The following HAVCR1 variants were observed in gnomAD, a reference collection of about 807,000 sequenced individuals.
The protein encoded by HAVCR1 is T cell immunoglobin domain and mucin domain protein 1.
In HAVCR1, 34 loss-of-function variants were observed where a neutral mutation model predicts 32.0. That is an observed-to-expected ratio of 1.06 (90% CI 0.81 to 1.42). HAVCR1 has a LOEUF of 1.42. HAVCR1 is among the 40% of genes most tolerant of loss of function. The probability of loss-of-function intolerance (pLI) is 0.00; values close to 1 mark genes in which losing one functional copy is unlikely to be tolerated. For synonymous variants in HAVCR1, 178 were observed against 170.3 expected (o/e 1.05, Z -0.35); for missense variants, 420 against 442.3 (o/e 0.95, Z 0.45).
At position 157,057,380 on chromosome 5, in the gene HAVCR1, GAGAGAGGAAAGAAA is replaced by G. The variant is rs1276353968; in HGVS notation, c.46+504_46+517del. 1.2e-3 allele frequency among the ~76,000 whole-genome samples: 165 copies of G among 139,278 alleles called. 1 individual carries two copies. The Admixed American group carries it at 0.012, about 10-fold the overall frequency. 91.4% of individuals were successfully genotyped at this position (139,278 alleles called of 152,430 possible). A position where few individuals can be genotyped will look rare whatever the true frequency, so the allele number is the denominator to read the frequency against. On this transcript the variant is annotated intron_variant, in intron 2 of 8. Transcript: ENST00000523175. ...CCTCATGAAGAGAGAGAGAGAGAGA[GAGAGAGGAAAGAAA>G]GAAAGAAAGAAAGAAAGAAAGAAAG...
At chr5:157,058,161 G>A (rs959473892) in intron 1 of HAVCR1, 45 of 525,834 alleles carry the variant, frequency 8.6e-5, no homozygotes, top group Middle Eastern at 5.2e-4. Flanking sequence ...CCTTCCAAAG[G>A]ACAGGGAAAG....
At chr5:157,048,932 T>C in intron 5 of HAVCR1, 106 bp downstream of exon 5, 1 of 707,852 alleles carries the variant, frequency 1.4e-6, no homozygotes, top group Non-Finnish European at 2.6e-6. Context: ...GTGTGCCTGG[T>C]GTTGGCACTC....
At chr5:157,032,798 T>G in intron 8 of HAVCR1, 56 bp downstream of exon 8, 3 of 1,045,384 alleles carry the variant, frequency 2.9e-6, no homozygotes, top group Non-Finnish European at 4.5e-6. Flanking sequence ...AAATCTATTT[T>G]TATTTTACCA....
chr5:157,037,227 A>G lies in HAVCR1; in HGVS notation c.952+20T>C, dbSNP rs753176589. 8.0e-7 allele frequency: 1 copy of G among 1,245,194 alleles called. No homozygotes were observed. 77.1% of individuals were successfully genotyped at this position (1,245,194 alleles called of 1,614,324 possible). A position where few individuals can be genotyped will look rare whatever the true frequency, so the allele number is the denominator to read the frequency against. On this transcript the variant is annotated intron_variant, in intron 7 of 8. Coordinates refer to ENST00000523175, the MANE Select transcript of HAVCR1 (RefSeq NM_001173393.3). The stretch of plus-strand genomic sequence containing the variant: ...GCTGTACATCCCTTGTCCCTTAGGA[A>G]CAATCTCGAAATGACTTACTTTTGG...
chr5:157,049,873 C>T (rs72805160), intron 4 of HAVCR1, among the ~76,000 whole-genome samples: 3,020 of 152,332 alleles, frequency 0.02, 48 homozygotes, highest in Non-Finnish European at 0.034. Context: ...CACGGTAAAG[C>T]TTCCATTAGG....
intron 2 of HAVCR1, among the ~76,000 whole-genome samples, chr5:157,056,601 C>T (rs564305152): frequency 4.0e-5 from 6 of 151,276 alleles, no homozygotes; most frequent in South Asian, 2.1e-4. Flanking sequence ...AGGATGGTCT[C>T]GATTTCCTGA....
intron 4 of HAVCR1, among the ~76,000 whole-genome samples, chr5:157,049,650 C>A (rs1379413489): frequency 6.6e-6 from 1 of 152,190 alleles, no homozygotes. Context: ...TTCAATTATC[C>A]ACACATCTAA....
chr5:157,036,666 T>C (rs1482657441), intron 7 of HAVCR1, among the ~76,000 whole-genome samples: 1 of 152,208 alleles, frequency 6.6e-6, no homozygotes, highest in Non-Finnish European at 1.5e-5. Context: ...GCACTTGTCA[T>C]GTGCCAGGAA....
intron 3 of HAVCR1, 66 bp downstream of exon 3, chr5:157,055,135 A>G (rs1756033367): frequency 1.1e-6 from 1 of 881,700 alleles, no homozygotes; most frequent in South Asian, 1.8e-5. Context: ...CCTATTAAGA[A>G]AAAAGAAAAT....
intron 5 of HAVCR1, among the ~76,000 whole-genome samples, chr5:157,043,514 A>G (rs1203753366): frequency 6.6e-6 from 1 of 152,130 alleles, no homozygotes; most frequent in African/African-American, 2.4e-5. Context: ...CAAAAAATAC[A>G]AAAAATTAGC....
At chr5:157,029,875 A>G (rs1413709192) in intron 8 of HAVCR1, 34 bp from the exon 9 acceptor site, 1 of 1,590,670 alleles carries the variant, frequency 6.3e-7, no homozygotes, top group Non-Finnish European at 8.6e-7. Context: ...TAACATGAGT[A>G]AGAAAAAAAG....
intron 7 of HAVCR1, among the ~76,000 whole-genome samples, chr5:157,034,513 TATCTC>T (rs1171059236): frequency 1.3e-5 from 2 of 151,012 alleles, no homozygotes; most frequent in East Asian, 2.0e-4. Flanking sequence ...GCCTTCCTCT[TATCTC>T]AACTGCAAAG....
At chr5:157,060,465 T>C (rs966872143), upstream of HAVCR1, among the ~76,000 whole-genome samples, 3 of 152,180 alleles carry the variant, frequency 2.0e-5, no homozygotes, top group African/African-American at 7.2e-5. Context: ...TATCCCGGCT[T>C]AAATATGACC....
intron 6 of HAVCR1, among the ~76,000 whole-genome samples, chr5:157,040,638 C>G (rs1754832711): frequency 6.6e-6 from 1 of 152,180 alleles, no homozygotes; most frequent in Non-Finnish European, 1.5e-5. Flanking sequence ...GTGGCTCATG[C>G]CTGTAATCCC....
At chr5:157,044,914 TAC>T (rs764940657) in intron 5 of HAVCR1, among the ~76,000 whole-genome samples, 24 of 152,154 alleles carry the variant, frequency 1.6e-4, no homozygotes, top group Non-Finnish European at 3.5e-4. Context: ...GTCCTTTTCA[TAC>T]ACACAGTTAT....
At chr5:157,032,168 C>CA (rs1408085166) in intron 8 of HAVCR1, among the ~76,000 whole-genome samples, 1 of 152,092 alleles carries the variant, frequency 6.6e-6, no homozygotes, top group Non-Finnish European at 1.5e-5. Context: ...ATATAATAGC[C>CA]AATAACACTC....
At chr5:157,066,192 T>A in the HAVCR1 span, among the ~76,000 whole-genome samples, 4 of 151,180 alleles carry the variant, frequency 2.6e-5, no homozygotes, top group South Asian at 8.4e-4. Flanking sequence ...CAGGCAGCAA[T>A]CATGAGTCAA....
the HAVCR1 span, among the ~76,000 whole-genome samples, chr5:157,065,163 C>T: frequency 6.6e-6 from 1 of 152,008 alleles, no homozygotes; most frequent in African/African-American, 2.4e-5. Context: ...ACTGAAAATA[C>T]AAAAAATTAG....
chr5:157,037,374 C>T lies in HAVCR1; in HGVS notation c.838-13G>A. 9.0e-7 allele frequency: 1 copy of T among 1,116,086 alleles called. No individual in the cohort carries two copies. The allele number at this position is 1,116,086 out of a possible 1,614,324, so 69.1% of individuals were successfully genotyped here. ...CTAGGAACAGTTGCTGAGGAAACAA[C>T]AACAGATCAAAAAAGCATCTTGTTA... On this transcript the variant is annotated splice_polypyrimidine_tract_variant and intron_variant, in intron 6 of 8. Transcript: ENST00000523175.
Sources: gnomAD v4.1 joint callset for allele counts (sites outside exome capture counted in the v4.1 genomes callset) on GRCh38, gnomAD v4.1.1 for gene constraint, MANE v1.5 for transcripts, NCBI Gene and HGNC (gene_info 2026-07-23, HGNC 2026-07-21) for gene names.